Variants in CCDC178 observed in about 807,000 individuals in gnomAD.
CCDC178 encodes the protein coiled-coil domain-containing protein 178.
CCDC178 carries 126 observed loss-of-function variants against 117.4 expected under a neutral mutation model. The ratio of observed to expected loss-of-function variants is 1.07; its 90% CI spans 0.93 to 1.24. CCDC178 has a LOEUF of 1.24. Among genes scored for constraint, CCDC178 ranks in the 50% most tolerant of loss-of-function variants. The pLI, the probability that CCDC178 is intolerant of heterozygous loss-of-function variation, is 0.00. For missense variants in CCDC178, 1,030 were observed against 986.9 expected (o/e 1.04, Z -0.59); for synonymous variants, 283 against 313.4 (o/e 0.90, Z 1.02).
At chr18:33,211,736 A>G (rs562568880) in intron 20 of CCDC178, among the ~76,000 whole-genome samples, 160 bp downstream of exon 20, 1 of 152,000 alleles carries the variant, frequency 6.6e-6, no homozygotes, top group African/African-American at 2.4e-5. Flanking sequence ...ATAATTACTT[A>G]GAAGAAACAA....
In CCDC178 at chr18:33,260,475, TTTA is replaced by T. The variant is rs752060897; in HGVS notation, c.1409+6438_1409+6440del. ...TATCATTATATTATATATTTGTTAT[TTTA>T]TTATTTACTTATTTTTCTTCACCAA... On this transcript the variant is annotated intron_variant, in intron 14 of 22. Coordinates refer to ENST00000383096, the MANE Select transcript of CCDC178 (RefSeq NM_001105528.4). Among the ~76,000 whole-genome samples, 6 of 150,892 alleles carry T rather than the reference TTTA, an allele frequency of 4.0e-5. 1 individual carries two copies. The South Asian group carries it at 1.2e-3, about 31-fold the overall frequency.
chr18:33,241,475 G>T (rs563653998), intron 15 of CCDC178, among the ~76,000 whole-genome samples: 101 of 149,868 alleles, frequency 6.7e-4, no homozygotes, highest in Middle Eastern at 3.4e-3. Context: ...TGTGTAGAGA[G>T]AGACTCTACC....
chr18:33,282,827 C>T (rs989524005), intron 12 of CCDC178, among the ~76,000 whole-genome samples: 8 of 152,148 alleles, frequency 5.3e-5, no homozygotes, highest in African/African-American at 1.9e-4. Context: ...CCCGGCTCCC[C>T]GCTAGTGCCT....
intron 5 of CCDC178, among the ~76,000 whole-genome samples, chr18:33,375,307 C>T (rs949360704): frequency 6.6e-6 from 1 of 152,110 alleles, no homozygotes; most frequent in Non-Finnish European, 1.5e-5. Context: ...TTAAATATGA[C>T]TATTTGATAA....
chr18:33,285,848 C>T (rs186362583), intron 12 of CCDC178, among the ~76,000 whole-genome samples: 1 of 151,900 alleles, frequency 6.6e-6, no homozygotes, highest in African/African-American at 2.4e-5. Context: ...ACATTAAGCA[C>T]TTCTTTAAAA....
intron 3 of CCDC178, among the ~76,000 whole-genome samples, chr18:33,400,824 C>A (rs925018877): frequency 1.3e-5 from 2 of 152,308 alleles, no homozygotes; most frequent in Admixed American, 6.5e-5. Flanking sequence ...TGGCTAACAG[C>A]TCAGCACAAG....
chr18:33,211,584 A>G (rs2059108506), intron 20 of CCDC178, among the ~76,000 whole-genome samples: 2 of 151,572 alleles, frequency 1.3e-5, no homozygotes, highest in African/African-American at 2.4e-5. Flanking sequence ...TCATTCTCAC[A>G]TCCTTCATTA....
chr18:33,115,864 C>T (rs1212183487), intron 20 of CCDC178, among the ~76,000 whole-genome samples: 1 of 152,000 alleles, frequency 6.6e-6, no homozygotes, highest in Non-Finnish European at 1.5e-5. Context: ...AGGATAAGTG[C>T]ATTTCAAGTA....
intron 9 of CCDC178, among the ~76,000 whole-genome samples, chr18:33,344,364 T>G (rs1442765812): frequency 2.0e-5 from 3 of 151,540 alleles, no homozygotes; most frequent in African/African-American, 7.3e-5. Flanking sequence ...TAAATTTCAT[T>G]GCATATAGTG....
At chr18:33,043,604 T>C (rs2056588751) in intron 21 of CCDC178, among the ~76,000 whole-genome samples, 1 of 152,108 alleles carries the variant, frequency 6.6e-6, no homozygotes, top group African/African-American at 2.4e-5. Context: ...TAATTAGCTA[T>C]TTATATCTTA....
At chr18:33,408,354 A>G (rs1207919092) in intron 3 of CCDC178, among the ~76,000 whole-genome samples, 3 of 151,984 alleles carry the variant, frequency 2.0e-5, no homozygotes, top group African/African-American at 7.2e-5. Flanking sequence ...CACACAAAAA[A>G]CCAGCCTAGT....
intron 18 of CCDC178, among the ~76,000 whole-genome samples, chr18:33,222,659 T>G (rs2059250770): frequency 6.6e-6 from 1 of 152,074 alleles, no homozygotes; most frequent in Non-Finnish European, 1.5e-5. Context: ...CATATGAATT[T>G]TGGGGGAACA....
chr18:33,138,940 T>C (rs1217693054), intron 20 of CCDC178, among the ~76,000 whole-genome samples: 1 of 152,220 alleles, frequency 6.6e-6, no homozygotes, highest in Non-Finnish European at 1.5e-5. Flanking sequence ...ATTTCAGTGA[T>C]ATGGTTTGGC....
intron 19 of CCDC178, among the ~76,000 whole-genome samples, chr18:33,214,200 C>T (rs1283700154): frequency 6.6e-6 from 1 of 151,970 alleles, no homozygotes; most frequent in African/African-American, 2.4e-5. Flanking sequence ...TAACCACTTG[C>T]TATAAGAATT....
At chr18:33,213,169 C>T (rs2059126571) in intron 19 of CCDC178, among the ~76,000 whole-genome samples, 1 of 151,950 alleles carries the variant, frequency 6.6e-6, no homozygotes, top group Admixed American at 6.6e-5. Context: ...CTTGTGTAAG[C>T]TCAACTAGTT....
intron 20 of CCDC178, among the ~76,000 whole-genome samples, chr18:33,145,197 T>C (rs1326646873): frequency 6.6e-6 from 1 of 152,228 alleles, no homozygotes; most frequent in African/African-American, 2.4e-5. Flanking sequence ...GTCCATTTCA[T>C]AGTCTCTGCC....
At chr18:33,384,259 G>T (rs1421355770) in intron 5 of CCDC178, among the ~76,000 whole-genome samples, 1 of 152,126 alleles carries the variant, frequency 6.6e-6, no homozygotes, top group Non-Finnish European at 1.5e-5. Context: ...GAAAGAGATG[G>T]GGAGAATGGA....
chr18:33,187,449 CA>C (rs1283628562), intron 20 of CCDC178, among the ~76,000 whole-genome samples: 2 of 152,056 alleles, frequency 1.3e-5, no homozygotes, highest in Non-Finnish European at 2.9e-5. Context: ...CAATCCCCTT[CA>C]GAGAAATACT....
chr18:33,133,675 C>G (rs537993318), intron 20 of CCDC178, among the ~76,000 whole-genome samples: 5 of 151,972 alleles, frequency 3.3e-5, no homozygotes, highest in African/African-American at 1.2e-4. Context: ...CTTCTGAGCC[C>G]TAATCTCAGG....
Sources: gnomAD v4.1 joint callset for allele counts (sites outside exome capture counted in the v4.1 genomes callset) on GRCh38, gnomAD v4.1.1 for gene constraint, MANE v1.5 for transcripts, NCBI Gene and HGNC (gene_info 2026-07-23, HGNC 2026-07-21) for gene names.